TSPAN9: variants seen among roughly 807,000 people sequenced by gnomAD.
TSPAN9 encodes tetraspanin-9.
Under a neutral mutation model 31.0 loss-of-function variants are expected in TSPAN9, and 16 were observed. The ratio of observed to expected loss-of-function variants is 0.52; its 90% CI spans 0.35 to 0.78. The LOEUF (loss-of-function observed/expected upper bound fraction) is 0.78. Among genes scored for constraint, TSPAN9 ranks in the 30% least tolerant of loss-of-function variants. The pLI, the probability that TSPAN9 is intolerant of heterozygous loss-of-function variation, is 0.01. For missense variants in TSPAN9, 272 were observed against 312.5 expected, an observed-to-expected ratio of 0.87 and a Z score of 0.98; for synonymous variants, 145 against 121.6, an observed-to-expected ratio of 1.19 and a Z score of -1.27.
At chr12:3,166,491 T>A (rs969924039) in intron 2 of TSPAN9, among the ~76,000 whole-genome samples, 3 of 152,240 alleles carry the variant, frequency 2.0e-5, no homozygotes, top group Non-Finnish European at 4.4e-5. Context: ...ATATAGATGA[T>A]CAGTGATTTA....
chr12:3,182,265 G>A (rs1478372921), intron 2 of TSPAN9, among the ~76,000 whole-genome samples: 4 of 152,006 alleles, frequency 2.6e-5, no homozygotes, highest in Non-Finnish European at 5.9e-5. Flanking sequence ...TTGATGGAAT[G>A]AAGAAACTGC....
At chr12:3,219,441 C>T (rs768930905) in intron 3 of TSPAN9, among the ~76,000 whole-genome samples, 4 of 152,260 alleles carry the variant, frequency 2.6e-5, no homozygotes, top group South Asian at 4.1e-4. Flanking sequence ...ACCCCCATCT[C>T]CCGGTGTGGG....
intron 2 of TSPAN9, among the ~76,000 whole-genome samples, chr12:3,145,635 G>A (rs1311415538): frequency 6.6e-6 from 1 of 152,178 alleles, no homozygotes; most frequent in African/African-American, 2.4e-5. Flanking sequence ...CAGGGACCAG[G>A]TGTCCAGAGC....
chr12:3,095,940 C>T (rs1312023236), intron 2 of TSPAN9, among the ~76,000 whole-genome samples: 2 of 149,498 alleles, frequency 1.3e-5, no homozygotes, highest in Non-Finnish European at 3.0e-5. Context: ...GGGTGGCGGC[C>T]GGGCAGAGGC....
At chr12:3,128,112 A>G (rs1461149276) in intron 2 of TSPAN9, among the ~76,000 whole-genome samples, 1 of 152,194 alleles carries the variant, frequency 6.6e-6, no homozygotes, top group Non-Finnish European at 1.5e-5. Context: ...TGGCTGAAGC[A>G]TTGTTATGTG....
intron 2 of TSPAN9, among the ~76,000 whole-genome samples, chr12:3,090,342 G>A (rs901376964): frequency 5.9e-5 from 9 of 152,294 alleles, no homozygotes; most frequent in South Asian, 2.1e-4. Flanking sequence ...CCAGTTCTAC[G>A]GGTTAGCCTT....
At chr12:3,093,390 T>A (rs929365556) in intron 2 of TSPAN9, among the ~76,000 whole-genome samples, 1 of 152,108 alleles carries the variant, frequency 6.6e-6, no homozygotes, top group African/African-American at 2.4e-5. Context: ...GGAAGAAAAG[T>A]GGAGAGGTAG....
chr12:3,208,973 A>G (rs572431059), intron 3 of TSPAN9, among the ~76,000 whole-genome samples: 1 of 152,236 alleles, frequency 6.6e-6, no homozygotes, highest in Non-Finnish European at 1.5e-5. Context: ...GCAGGGGCTC[A>G]TGCCTGTAAT....
rs1283989620 is a variant in TSPAN9, at chr12:3,112,334, G to A, written c.-18+28615G>A. ...TGGGATTACAGGCATGCACCACCAT[G>A]CCCGGCTAATTTTGTAGTTTTAGTA... On this transcript the variant is annotated intron_variant, in intron 2 of 8. Transcript: ENST00000011898. 4.6e-5 allele frequency among the ~76,000 whole-genome samples: 7 copies of A among 151,604 alleles called. No homozygotes were observed. In the East Asian group the frequency reaches 1.4e-3, roughly 29 times the overall value.
At chr12:3,237,398 A>G (rs2098394361) in intron 3 of TSPAN9, among the ~76,000 whole-genome samples, 1 of 152,130 alleles carries the variant, frequency 6.6e-6, no homozygotes, top group Non-Finnish European at 1.5e-5. Context: ...TGGTCCCTGT[A>G]TTTCCCACCT....
At chr12:3,179,730 T>G (rs1360593578) in intron 2 of TSPAN9, among the ~76,000 whole-genome samples, 4 of 152,176 alleles carry the variant, frequency 2.6e-5, no homozygotes, top group African/African-American at 9.7e-5. Flanking sequence ...AGAGTCCACA[T>G]TACATATTGT....
chr12:3,255,403 A>G (rs1862327214), intron 3 of TSPAN9, among the ~76,000 whole-genome samples: 1 of 152,226 alleles, frequency 6.6e-6, no homozygotes, highest in Non-Finnish European at 1.5e-5. Context: ...TAATGGGAGC[A>G]GCGATCAGGG....
At chr12:3,162,176 T>G (rs926465708) in intron 2 of TSPAN9, among the ~76,000 whole-genome samples, 3 of 152,134 alleles carry the variant, frequency 2.0e-5, no homozygotes, top group African/African-American at 7.2e-5. Flanking sequence ...CTGTCTTGCT[T>G]CCTCTCTCAC....
At chr12:3,087,543 C>G (rs1016780763) in intron 2 of TSPAN9, among the ~76,000 whole-genome samples, 2 of 152,006 alleles carry the variant, frequency 1.3e-5, no homozygotes, top group African/African-American at 2.4e-5. Context: ...CATGGTGACT[C>G]ACACCTGTAA....
At chr12:3,233,224 T>C (rs985283615) in intron 3 of TSPAN9, among the ~76,000 whole-genome samples, 1 of 152,220 alleles carries the variant, frequency 6.6e-6, no homozygotes, top group Non-Finnish European at 1.5e-5. Context: ...CTTCCAGGAT[T>C]ATGTAAATTA....
At chr12:3,250,770 A>G (rs1412005441) in intron 3 of TSPAN9, among the ~76,000 whole-genome samples, 5 of 152,230 alleles carry the variant, frequency 3.3e-5, no homozygotes, top group African/African-American at 9.6e-5. Flanking sequence ...ACGGAGCGCC[A>G]GAGGTATGCA....
At chr12:3,094,612 C>A (rs1163796004) in intron 2 of TSPAN9, among the ~76,000 whole-genome samples, 2 of 150,906 alleles carry the variant, frequency 1.3e-5, no homozygotes, top group African/African-American at 4.9e-5. Context: ...TCTCGGCTCA[C>A]CACAACCTCC....
rs1309476607 is a variant in TSPAN9, at chr12:3,113,701, A to G, written c.-18+29982A>G. Among the ~76,000 whole-genome samples the G allele has an allele frequency of 2.0e-5, 3 of 152,268 alleles. No individual in the cohort carries two copies. In the East Asian group the frequency reaches 5.8e-4, roughly 29 times the overall value. On this transcript the variant is annotated intron_variant, in intron 2 of 8. Coordinates refer to ENST00000011898, the MANE Select transcript of TSPAN9 (RefSeq NM_006675.5). ...GAGCTGTGAACCCCGGGAGACCCTC[A>G]GGGGTGTGCCAGTTCGAGAGTGCCA...
At chr12:3,201,098 A>C in intron 2 of TSPAN9, 79 bp from the exon 3 acceptor site, 36 of 1,345,044 alleles carry the variant, frequency 2.7e-5, no homozygotes, top group Non-Finnish European at 3.6e-5. Context: ...GGCCGGCGTT[A>C]AGACCGACAA....
Sources: gnomAD v4.1 joint callset for allele counts (sites outside exome capture counted in the v4.1 genomes callset) on GRCh38, gnomAD v4.1.1 for gene constraint, MANE v1.5 for transcripts, NCBI Gene and HGNC (gene_info 2026-07-23, HGNC 2026-07-21) for gene names.